The following OR2C1 variants were observed in gnomAD, a reference collection of about 807,000 sequenced individuals.
The protein encoded by OR2C1 is olfactory receptor family 2 subfamily C member 1.
For synonymous variants in OR2C1, 209 were observed against 167.3 expected (o/e 1.25, Z -1.92); for missense variants, 468 against 388.3 (o/e 1.21, Z -1.73).
the OR2C1 span, among the ~76,000 whole-genome samples, chr16:3,331,031 C>T: frequency 0.061 from 9,244 of 152,264 alleles, 471 homozygotes; most frequent in East Asian, 0.31. Context: ...TATTTCTCCA[C>T]ATCCTCTCCA....
At chr16:3,336,704 C>CTTTTTT in the OR2C1 span, among the ~76,000 whole-genome samples, 1 of 45,014 alleles carries the variant, frequency 2.2e-5, no homozygotes, top group African/African-American at 8.5e-5. Flanking sequence ...TCTTTTCTTT[C>CTTTTTT]TTTCTTTCTT....
the OR2C1 span, among the ~76,000 whole-genome samples, chr16:3,326,559 G>A: frequency 6.6e-6 from 1 of 152,114 alleles, no homozygotes; most frequent in East Asian, 1.9e-4. Flanking sequence ...CCTAACATCC[G>A]TTTCACCCTT....
chr16:3,334,698 T>C, the OR2C1 span, among the ~76,000 whole-genome samples: 1 of 151,872 alleles, frequency 6.6e-6, no homozygotes, highest in African/African-American at 2.4e-5. Context: ...ATGGATTTAA[T>C]CTGTGTTCTC....
At chr16:3,345,142 G>C in the OR2C1 span, among the ~76,000 whole-genome samples, 1 of 151,928 alleles carries the variant, frequency 6.6e-6, no homozygotes, top group Non-Finnish European at 1.5e-5. Flanking sequence ...GAACACATAA[G>C]TGAAAACATT....
chr16:3,351,578 CCTT>C (rs2150850411), upstream of OR2C1, among the ~76,000 whole-genome samples: 1 of 152,300 alleles, frequency 6.6e-6, no homozygotes, highest in South Asian at 2.1e-4. Flanking sequence ...CCTATGTCCT[CCTT>C]CTCCCTGTTC....
At chr16:3,329,131 A>T in the OR2C1 span, among the ~76,000 whole-genome samples, 1 of 146,762 alleles carries the variant, frequency 6.8e-6, no homozygotes, top group East Asian at 2.1e-4. Context: ...CAGAAAGAGG[A>T]ACACCTCTAG....
chr16:3,344,749 T>C, the OR2C1 span, among the ~76,000 whole-genome samples: 1 of 150,140 alleles, frequency 6.7e-6, no homozygotes, highest in African/African-American at 2.5e-5. Flanking sequence ...TTTTTTTGAT[T>C]ATACTAAGTG....
the OR2C1 span, among the ~76,000 whole-genome samples, chr16:3,342,873 A>G: frequency 2.0e-5 from 3 of 152,330 alleles, no homozygotes; most frequent in Middle Eastern, 6.8e-3. Context: ...CACTGTCTCA[A>G]AAAACAAAAA....
chr16:3,341,774 C>T, the OR2C1 span, among the ~76,000 whole-genome samples: 58 of 152,230 alleles, frequency 3.8e-4, 1 homozygote, highest in East Asian at 0.011. Flanking sequence ...TCACCAACCC[C>T]ATATTTTAGG....
upstream of OR2C1, among the ~76,000 whole-genome samples, chr16:3,351,704 C>G (rs542480992): frequency 3.7e-4 from 56 of 152,244 alleles, no homozygotes; most frequent in Non-Finnish European, 6.6e-4. Flanking sequence ...CTCCCCAGCC[C>G]TTACATGGAA....
At chr16:3,329,837 C>T in the OR2C1 span, among the ~76,000 whole-genome samples, 2 of 141,064 alleles carry the variant, frequency 1.4e-5, no homozygotes, top group Non-Finnish European at 3.0e-5. Flanking sequence ...TCACTGTAAC[C>T]TCTGCTTCCC....
At chr16:3,346,234 A>G in the OR2C1 span, among the ~76,000 whole-genome samples, 2 of 152,174 alleles carry the variant, frequency 1.3e-5, no homozygotes, top group East Asian at 3.8e-4. Flanking sequence ...ATCAGATTGC[A>G]AACTCCCTGA....
In OR2C1 at chr16:3,356,309, C is replaced by A; in HGVS notation, c.369C>A (p.Tyr123Ter). The part of the protein sequence containing the change: ...ILLVVMAFDR[Y>*]VAVCRPLRYT... ...TGGTGGTGATGGCATTTGACCGCTA[C>A]GTGGCAGTGTGCCGGCCCCTCCGCT... is the stretch of plus-strand genomic sequence containing the variant. The change falls in exon 1 of 1, where the codon TAC becomes TAA. Residue 123 changes from tyrosine to a stop codon, truncating the protein, a stop_gained. Transcript: ENST00000304936. LOFTEE classifies it low-confidence loss of function (END_TRUNC). 6.2e-7 allele frequency: 1 copy of A among 1,613,332 alleles called. No homozygotes were observed. Among genetic ancestry groups the A allele is most frequent in the East Asian group, 2.2e-5 (1 of 44,876 alleles).
At chr16:3,351,752 G>A (rs2030576998), upstream of OR2C1, among the ~76,000 whole-genome samples, 1 of 152,184 alleles carries the variant, frequency 6.6e-6, no homozygotes, top group Non-Finnish European at 1.5e-5. Flanking sequence ...GACACCCATT[G>A]CAAGTTGCCT....
chr16:3,350,288 C>T, the OR2C1 span, among the ~76,000 whole-genome samples: 1 of 151,530 alleles, frequency 6.6e-6, no homozygotes, highest in South Asian at 2.1e-4. Flanking sequence ...CTCCTGACCT[C>T]AGATGATCCA....
At chr16:3,325,128 C>T in the OR2C1 span, among the ~76,000 whole-genome samples, 1 of 151,876 alleles carries the variant, frequency 6.6e-6, no homozygotes, top group African/African-American at 2.4e-5. Context: ...ATTACAGGCA[C>T]CTGCCACCAG....
the OR2C1 span, among the ~76,000 whole-genome samples, chr16:3,333,266 G>C: frequency 1.8e-5 from 1 of 54,670 alleles, no homozygotes; most frequent in Non-Finnish European, 3.5e-5. Context: ...AGTTGTTTGA[G>C]TGCCTTATAT....
the OR2C1 span, among the ~76,000 whole-genome samples, chr16:3,340,612 A>G: frequency 6.6e-6 from 1 of 152,058 alleles, no homozygotes; most frequent in Non-Finnish European, 1.5e-5. Flanking sequence ...TTTTTTGTCA[A>G]CTTTGTGTAT....
At chr16:3,325,489 A>ACAC in the OR2C1 span, among the ~76,000 whole-genome samples, 1 of 133,006 alleles carries the variant, frequency 7.5e-6, no homozygotes, top group Middle Eastern at 3.4e-3. Flanking sequence ...ATATATATAT[A>ACAC]TATATATATA....
Sources: allele counts gnomAD v4.1 joint callset (sites outside exome capture counted in the v4.1 genomes callset), GRCh38; gene constraint gnomAD v4.1.1; transcripts MANE v1.5; gene names NCBI Gene and HGNC (gene_info 2026-07-23, HGNC 2026-07-21).